The following MTMR7 variants were observed in gnomAD, a reference collection of about 807,000 sequenced individuals.
The protein encoded by MTMR7 is phosphatidylinositol-3-phosphate phosphatase MTMR7.
Under a neutral mutation model 81.2 loss-of-function variants are expected in MTMR7, and 76 were observed. That is an observed-to-expected ratio of 0.94 (90% CI 0.78 to 1.13). MTMR7 has a LOEUF of 1.13. Among genes scored for constraint, MTMR7 ranks in the 50% most tolerant of loss-of-function variants. The pLI is 0.00. For synonymous variants in MTMR7, 372 were observed against 289.8 expected (o/e 1.28, Z -2.88); for missense variants, 1,044 against 820.0 (o/e 1.27, Z -3.34).
chr8:17,360,731 G>A (rs376224080), intron 4 of MTMR7, among the ~76,000 whole-genome samples: 16 of 152,024 alleles, frequency 1.1e-4, no homozygotes, highest in East Asian at 5.8e-4. Context: ...TAGAGGAGCC[G>A]GTGCCAAACT....
At chr8:17,330,237 A>C (rs1818927035) in intron 7 of MTMR7, among the ~76,000 whole-genome samples, 1 of 152,218 alleles carries the variant, frequency 6.6e-6, no homozygotes. Flanking sequence ...GGAAAAAATA[A>C]TTCAGCACCT....
intron 12 of MTMR7, 120 bp downstream of exon 12, chr8:17,304,259 G>T: frequency 9.1e-7 from 1 of 1,103,136 alleles, no homozygotes; most frequent in Non-Finnish European, 1.3e-6. Flanking sequence ...TCCCTCTGGT[G>T]TCTTTTGTGT....
Position 17,400,064 on chromosome 8 carries a change from TA to T in MTMR7, c.24+13204del, listed in dbSNP as rs375006868. Among the ~76,000 whole-genome samples the T allele has an allele frequency of 6.0e-4, 91 of 152,312 alleles. No homozygotes were observed. The East Asian group carries it at 7.3e-3, about 12-fold the overall frequency. On this transcript the variant is annotated intron_variant, in intron 1 of 13. Coordinates refer to ENST00000180173, the MANE Select transcript of MTMR7 (RefSeq NM_004686.5). ...GCTATTATGGCAGAGGAATACCCTT[TA>T]AAAAATTCTTGAGAATTATAGATGA...
At chr8:17,316,774 A>G (rs2157635) in intron 7 of MTMR7, among the ~76,000 whole-genome samples, 24,306 of 152,186 alleles carry the variant, frequency 0.16, 2,245 homozygotes, top group East Asian at 0.3. Context: ...GATTTTAAAT[A>G]TATGGGAGGA....
rs118181127 is a variant in MTMR7, at chr8:17,300,223, C to A, written c.1622G>T (p.Arg541Met). 1 of 1,597,422 alleles carries A rather than the reference C, an allele frequency of 6.3e-7. No individual in the cohort carries two copies. Among genetic ancestry groups the A allele is most frequent in the East Asian group, 2.2e-5 (1 of 44,638 alleles). Residue 541 changes from arginine (R) to methionine (M), a missense_variant and splice_region_variant, in exon 14 of 14, where the codon AGG becomes ATG. Transcript: ENST00000180173. ...CTGGACCTTTTGAATTTTTTCCAGC[C>A]TCTAAGAAAGAAATAACAATTTCAG... The part of the protein sequence containing the change: ...LEEELEALEE[R>M]LEKIQKVQLN...
In MTMR7 at chr8:17,413,299, C is replaced by G; in HGVS notation, c.-7G>C. 1.3e-6 allele frequency: 2 copies of G among 1,545,270 alleles called. No individual in the cohort carries two copies. Among genetic ancestry groups the G allele is most frequent in the Non-Finnish European group, 1.7e-6 (2 of 1,143,732 alleles). On this transcript the variant is annotated 5_prime_UTR_variant, in exon 1 of 14. Coordinates refer to ENST00000180173, the MANE Select transcript of MTMR7 (RefSeq NM_004686.5). ...GCGTACGGATGTGCTCCATGGCTGG[C>G]CCACGTCTGCAGGGTCCCGGGCGGG...
At position 17,344,007 on chromosome 8, in the gene MTMR7, A is replaced by C. The variant is rs2285287; in HGVS notation, c.598-2510T>G. The stretch of plus-strand genomic sequence containing the variant: ...ATTTACAATGCTACTAATAATTAAA[A>C]TATTCAACATTTTTGATGGCTTACT... On this transcript the variant is annotated intron_variant, in intron 5 of 13. Coordinates refer to ENST00000180173, the MANE Select transcript of MTMR7 (RefSeq NM_004686.5). Among the ~76,000 whole-genome samples, 3,927 of 152,276 alleles carry C rather than the reference A, an allele frequency of 0.026. 426 individuals are homozygous for C. The East Asian group carries it at 0.32, about 12-fold the overall frequency.
intron 3 of MTMR7, among the ~76,000 whole-genome samples, chr8:17,367,699 G>A (rs546715706): frequency 3.3e-5 from 5 of 152,034 alleles, no homozygotes; most frequent in African/African-American, 9.6e-5. Flanking sequence ...AGATAATCTC[G>A]ACATTTATTT....
chr8:17,409,326 G>A (rs1363813603), intron 1 of MTMR7, among the ~76,000 whole-genome samples: 4 of 151,958 alleles, frequency 2.6e-5, no homozygotes, highest in African/African-American at 4.8e-5. Flanking sequence ...TAGGTGTAGC[G>A]GCACGTGCTT....
At chr8:17,402,593 C>A (rs1201093604) in intron 1 of MTMR7, among the ~76,000 whole-genome samples, 1 of 152,160 alleles carries the variant, frequency 6.6e-6, no homozygotes, top group Non-Finnish European at 1.5e-5. Context: ...GACGGGATCT[C>A]CTCCTTTTTT....
At chr8:17,332,984 G>A (rs1409669119) in intron 6 of MTMR7, among the ~76,000 whole-genome samples, 1 of 152,096 alleles carries the variant, frequency 6.6e-6, no homozygotes, top group African/African-American at 2.4e-5. Context: ...GATACCGAGA[G>A]CATATATGAA....
chr8:17,405,274 C>A (rs1052659738), intron 1 of MTMR7, among the ~76,000 whole-genome samples: 1 of 152,164 alleles, frequency 6.6e-6, no homozygotes, highest in Non-Finnish European at 1.5e-5. Flanking sequence ...CAAGTAGCCT[C>A]CCAGTGTTTC....
chr8:17,332,090 AC>A lies in MTMR7; in HGVS notation c.733-809del, dbSNP rs542224539. 3.3e-3 allele frequency among the ~76,000 whole-genome samples: 504 copies of A among 152,306 alleles called. 4 individuals carry two copies. The highest frequency in any genetic ancestry group is 0.011 in the South Asian group (52 of 4,826). ...ATGCATCGGTTTCTAGAATGTGTAA[AC>A]ATTCTTGCTATTTTATTAAGCAGGT... On this transcript the variant is annotated intron_variant, in intron 6 of 13. Transcript: ENST00000180173.
chr8:17,336,055 A>G (rs780830813), intron 6 of MTMR7, among the ~76,000 whole-genome samples: 26 of 152,110 alleles, frequency 1.7e-4, no homozygotes, highest in Non-Finnish European at 3.2e-4. Flanking sequence ...TTCTCTCTTC[A>G]TCGGTTGACA....
chr8:17,410,887 G>A (rs1821719051), intron 1 of MTMR7, among the ~76,000 whole-genome samples: 3 of 152,026 alleles, frequency 2.0e-5, no homozygotes, highest in South Asian at 4.2e-4. Flanking sequence ...TACCCACACA[G>A]TAAATATTGC....
chr8:17,304,468 G>A lies in MTMR7; in HGVS notation c.1404C>T (p.Ala468=), dbSNP rs187644767. ...CTCTAAACAGAGGATTCAGGTAGTCGGCCCGATTCTTCCACAGGTGAGCCC... is the reference window on the plus strand; with the variant it reads ...CTCTAAACAGAGGATTCAGGTAGTCAGCCCGATTCTTCCACAGGTGAGCCC... The part of the protein sequence containing the change: ...SLWAHLWKNR[A]DYLNPLFRAD... Residue 468 remains alanine, a synonymous_variant, in exon 12 of 14, where the codon GCC becomes GCT. Transcript: ENST00000180173. 15 of 1,613,922 alleles carry A rather than the reference G, an allele frequency of 9.3e-6. No homozygotes were observed. Among genetic ancestry groups the A allele is most frequent in the African/African-American group, 1.3e-5 (1 of 75,004 alleles).
At chr8:17,370,923 C>G (rs1280497322) in intron 3 of MTMR7, 114 bp downstream of exon 3, 4 of 1,109,584 alleles carry the variant, frequency 3.6e-6, no homozygotes, top group Non-Finnish European at 5.1e-6. Context: ...GAGAACGAGA[C>G]TGACACATAA....
chr8:17,316,389 A>G (rs1286367708), intron 7 of MTMR7, among the ~76,000 whole-genome samples: 1 of 151,604 alleles, frequency 6.6e-6, no homozygotes, highest in East Asian at 1.9e-4. Flanking sequence ...ATTCCACTCT[A>G]TATCTTAAAT....
intron 1 of MTMR7, among the ~76,000 whole-genome samples, chr8:17,398,594 C>A (rs1821327885): frequency 6.6e-6 from 1 of 151,966 alleles, no homozygotes; most frequent in South Asian, 2.1e-4. Flanking sequence ...GAGTTACTGG[C>A]CTTAAAGAGG....
Sources: gnomAD v4.1 joint callset for allele counts (sites outside exome capture counted in the v4.1 genomes callset) on GRCh38, gnomAD v4.1.1 for gene constraint, MANE v1.5 for transcripts, NCBI Gene and HGNC (gene_info 2026-07-23, HGNC 2026-07-21) for gene names.